Variants in ENPP7 observed in about 807,000 individuals in gnomAD.
The protein encoded by ENPP7 is ectonucleotide pyrophosphatase/phosphodiesterase family member 7.
A neutral mutation model predicts 33.6 loss-of-function variants in ENPP7; 39 were observed. That is an observed-to-expected ratio of 1.16 (90% CI 0.90 to 1.52). The LOEUF (loss-of-function observed/expected upper bound fraction) is 1.52, where lower values mean the gene tolerates loss of function less well. ENPP7 is among the 40% of genes most tolerant of loss of function. ENPP7 has a pLI of 0.00. For missense variants in ENPP7, 594 were observed against 641.0 expected, an observed-to-expected ratio of 0.93 and a Z score of 0.79; for synonymous variants, 244 against 274.3, an observed-to-expected ratio of 0.89 and a Z score of 1.09.
chr17:79,738,530 T>A lies in ENPP7; in HGVS notation c.*16+468T>A, dbSNP rs150087105. ...TTGGTAGGAGAGCACCAGGGCTATA[T>A]TCCTGGAACTCTCTGGAAGCCCACC... On this transcript the variant is annotated intron_variant, in intron 5 of 5. Transcript: ENST00000328313. The surrounding 1 kb of genome is among the most constrained non-coding windows in gnomAD (Gnocchi z 6.2). The A allele has an allele frequency of 1.8e-3, 292 of 158,446 alleles. 4 individuals are homozygous for A. Among genetic ancestry groups the A allele is most frequent in the Admixed American group, 0.012 (205 of 16,888 alleles). The allele number at this position is 158,446 out of a possible 1,614,324, so 9.8% of individuals were successfully genotyped here.
At position 79,737,786 on chromosome 17, in the gene ENPP7, G is replaced by T; in HGVS notation, c.1247-130G>T. 1 of 1,014,970 alleles carries T rather than the reference G, an allele frequency of 9.9e-7. No individual in the cohort carries two copies. The allele number at this position is 1,014,970 out of a possible 1,614,324, so 62.9% of individuals were successfully genotyped here. On this transcript the variant is annotated intron_variant, in intron 4 of 5. Transcript: ENST00000328313. This position sits in a 1 kb window ranked among gnomAD's most constrained non-coding sequence, Gnocchi z 5.5. ...AAGGGCCGTGGTGGACAAAGGCCAT[G>T]GGACCAAGGGGGCGGTGAAAGAGGA...
chr17:79,733,738 G>C, intron 2 of ENPP7, 85 bp downstream of exon 2: 1 of 1,394,950 alleles, frequency 7.2e-7, no homozygotes. Flanking sequence ...TGAGATCCAC[G>C]GCAGGTCCCT....
intron 5 of ENPP7, among the ~76,000 whole-genome samples, chr17:79,741,424 G>T (rs958885289): frequency 2.0e-5 from 3 of 152,216 alleles, no homozygotes; most frequent in Admixed American, 2.0e-4. Context: ...GCGGGCAGAA[G>T]ACTAGGGGAA....
At chr17:79,733,294 C>T (rs782196088) in intron 1 of ENPP7, among the ~76,000 whole-genome samples, 1 of 152,238 alleles carries the variant, frequency 6.6e-6, no homozygotes, top group Non-Finnish European at 1.5e-5. Context: ...TCAAAGAACA[C>T]GTGTCTATTT....
At chr17:79,740,370 G>A (rs1483311837) in intron 5 of ENPP7, among the ~76,000 whole-genome samples, 8 of 152,162 alleles carry the variant, frequency 5.3e-5, no homozygotes, top group East Asian at 1.9e-4. Flanking sequence ...ACCCAGAGGC[G>A]TTAGCTGACT....
At chr17:79,732,319 C>T (rs1486957428) in intron 1 of ENPP7, among the ~76,000 whole-genome samples, 2 of 151,428 alleles carry the variant, frequency 1.3e-5, no homozygotes, top group East Asian at 3.9e-4. Flanking sequence ...CCAAGTACCA[C>T]AAAAAAGGTG....
chr17:79,740,221 A>G (rs1300779386), intron 5 of ENPP7, among the ~76,000 whole-genome samples: 1 of 152,150 alleles, frequency 6.6e-6, no homozygotes, highest in Non-Finnish European at 1.5e-5. Context: ...TGAAAGAGAA[A>G]GGAGCGGGTT....
chr17:79,735,411 T>G lies in ENPP7; in HGVS notation c.768T>G (p.Ala256=). The change falls in exon 3 of 6, where the codon GCT becomes GCG. Residue 256 remains alanine (A), a synonymous_variant. Coordinates refer to ENST00000328313, the MANE Select transcript of ENPP7 (RefSeq NM_178543.5). The surrounding 1 kb of genome is among the most constrained non-coding windows in gnomAD (Gnocchi z 5.5). ...DHGMTTVDKR[A]GDLVEFHKFP... ...GCATGACGACCGTGGACAAACGGGCTGGCGACCTGGTTGAATTCCACAAGT... is the reference window on the plus strand; with the variant it reads ...GCATGACGACCGTGGACAAACGGGCGGGCGACCTGGTTGAATTCCACAAGT... 2.5e-6 allele frequency: 4 copies of G among 1,614,090 alleles called. No individual in the cohort carries two copies. The highest frequency in any genetic ancestry group is 3.4e-6 in the Non-Finnish European group (4 of 1,180,034).
intron 1 of ENPP7, 91 bp from the exon 2 acceptor site, chr17:79,733,417 C>T (rs1214872380): frequency 3.7e-6 from 5 of 1,355,034 alleles, no homozygotes; most frequent in Non-Finnish European, 5.2e-6. Flanking sequence ...GAAACCTGGG[C>T]TGTTTTGACT....
chr17:79,741,231 C>G (rs1178564143), intron 5 of ENPP7, among the ~76,000 whole-genome samples: 2 of 152,234 alleles, frequency 1.3e-5, no homozygotes, highest in African/African-American at 4.8e-5. Context: ...TCAAGCGATC[C>G]TCCAGCCTTG....
In ENPP7 at chr17:79,737,052, C is replaced by A. The variant is rs782642819; in HGVS notation, c.1038C>A (p.Val346=). The change falls in exon 4 of 6, where the codon GTC becomes GTA. Residue 346 remains valine (V), a synonymous_variant. Coordinates refer to ENST00000328313, the MANE Select transcript of ENPP7 (RefSeq NM_178543.5). This position sits in a 1 kb window ranked among gnomAD's most constrained non-coding sequence, Gnocchi z 5.5. ...LGYVIHGRIN[V]QFNNGEHGFD... Reference sequence around the variant, plus strand: ...CCGCTCCCCGGCAGAGAATTAACGTCCAGTTCAACAATGGGGAGCACGGCT... The same window carrying A: ...CCGCTCCCCGGCAGAGAATTAACGTACAGTTCAACAATGGGGAGCACGGCT... 3 of 1,614,058 alleles carry A rather than the reference C, an allele frequency of 1.9e-6. No individual in the cohort carries two copies. In the East Asian group the frequency reaches 6.7e-5, roughly 36 times the overall value.
chr17:79,736,406 C>T (rs1441208970), intron 3 of ENPP7, among the ~76,000 whole-genome samples: 1 of 152,180 alleles, frequency 6.6e-6, no homozygotes, highest in Non-Finnish European at 1.5e-5. Flanking sequence ...GTGTCAGCAC[C>T]GAAGGGACAC....
Position 79,742,015 on chromosome 17 carries a change from C to A in ENPP7, c.*238C>A. On this transcript the variant is annotated 3_prime_UTR_variant, in exon 6 of 6. Transcript: ENST00000328313. Reference sequence around the variant, plus strand: ...AGCCGGTCCCATAACCGGCCCCCTGCCCCTGCCCCTGCTCCTGCTCCTCCC... The same window carrying A: ...AGCCGGTCCCATAACCGGCCCCCTGACCCTGCCCCTGCTCCTGCTCCTCCC... The A allele has an allele frequency of 2.4e-6, 2 of 839,396 alleles. No homozygotes were observed. The highest frequency in any genetic ancestry group is 2.9e-6 in the Non-Finnish European group (2 of 695,026). 52.0% of individuals were successfully genotyped at this position (839,396 alleles called of 1,614,324 possible). A position where few individuals can be genotyped will look rare whatever the true frequency, so the allele number is the denominator to read the frequency against.
In ENPP7 at chr17:79,732,121, C is replaced by CATATATACACATATATATATATATAT. The variant is rs2094286802; in HGVS notation, c.253+736_253+737insCACATATATATATATATATATATATA. Among the ~76,000 whole-genome samples the CATATATACACATATATATATATATAT allele has an allele frequency of 2.3e-4, 11 of 48,762 alleles. 1 individual carries two copies. Among genetic ancestry groups the CATATATACACATATATATATATATAT allele is most frequent in the Non-Finnish European group, 7.8e-5 (2 of 25,516 alleles). 32.0% of individuals were successfully genotyped at this position (48,762 alleles called of 152,430 possible). ...TAATATATATATACATATATATATACATATATATATGTATATATATATATA... is the reference window on the plus strand; with the variant it reads ...TAATATATATATACATATATATATACATATATACACATATATATATATATATATATATATATGTATATATATATATA... On this transcript the variant is annotated intron_variant, in intron 1 of 5. Coordinates refer to ENST00000328313, the MANE Select transcript of ENPP7 (RefSeq NM_178543.5).
At chr17:79,734,748 G>T (rs2094292095) in intron 2 of ENPP7, among the ~76,000 whole-genome samples, 1 of 152,164 alleles carries the variant, frequency 6.6e-6, no homozygotes, top group African/African-American at 2.4e-5. Context: ...AAAGTGCTGG[G>T]ATTACAGGCA....
At chr17:79,733,246 G>A (rs2094289503) in intron 1 of ENPP7, among the ~76,000 whole-genome samples, 1 of 152,200 alleles carries the variant, frequency 6.6e-6, no homozygotes, top group Non-Finnish European at 1.5e-5. Context: ...TCCAGCTGTG[G>A]GACAAACTGA....
At chr17:79,733,730 A>G (rs1226991352) in intron 2 of ENPP7, 77 bp downstream of exon 2, 7 of 1,444,218 alleles carry the variant, frequency 4.8e-6, no homozygotes, top group Non-Finnish European at 6.5e-6. Flanking sequence ...GAACCATGTG[A>G]GATCCACGGC....
At chr17:79,736,542 T>C (rs200495574) in intron 3 of ENPP7, among the ~76,000 whole-genome samples, 1 of 87,852 alleles carries the variant, frequency 1.1e-5, no homozygotes, top group African/African-American at 7.3e-5. Flanking sequence ...TAGGCGTGTG[T>C]GTGTGTGTGT....
chr17:79,737,069 A>G lies in ENPP7; in HGVS notation c.1055A>G (p.Glu352Gly). ...ATTAACGTCCAGTTCAACAATGGGG[A>G]GCACGGCTTTGACAACAAGGACATG... ...GRINVQFNNG[E>G]HGFDNKDMDM... The change falls in exon 4 of 6, where the codon GAG becomes GGG. Residue 352 changes from glutamate to glycine, a missense_variant. Glu to Gly is a moderately conservative substitution (Grantham distance 98, BLOSUM62 -2). Coordinates refer to ENST00000328313, the MANE Select transcript of ENPP7 (RefSeq NM_178543.5). This position sits in a 1 kb window ranked among gnomAD's most constrained non-coding sequence, Gnocchi z 5.5. 1 of 1,614,094 alleles carries G rather than the reference A, an allele frequency of 6.2e-7. No individual in the cohort carries two copies. The highest frequency in any genetic ancestry group is 8.5e-7 in the Non-Finnish European group (1 of 1,180,034).
Sources: allele counts gnomAD v4.1 joint callset (sites outside exome capture counted in the v4.1 genomes callset), GRCh38; gene constraint gnomAD v4.1.1; non-coding constraint Gnocchi (gnomAD v3.1); transcripts MANE v1.5; gene names NCBI Gene and HGNC (gene_info 2026-07-23, HGNC 2026-07-21).